IDI2: variants seen among roughly 807,000 people sequenced by gnomAD.
The protein encoded by IDI2 is isopentenyl-diphosphate delta isomerase 2.
A neutral mutation model predicts 14.8 loss-of-function variants in IDI2; 18 were observed. That is an observed-to-expected ratio of 1.22 (90% confidence interval 0.84 to 1.80). The LOEUF (loss-of-function observed/expected upper bound fraction) is 1.80. IDI2 is among the 40% of genes most tolerant of loss of function. IDI2 has a pLI of 0.00. For missense variants in IDI2, 316 were observed against 283.2 expected (o/e 1.12, Z -0.83); for synonymous variants, 133 against 109.6 (o/e 1.21, Z -1.33).
At chr10:1,023,718 C>T (rs771162939) in intron 2 of IDI2, among the ~76,000 whole-genome samples, 13 of 151,996 alleles carry the variant, frequency 8.6e-5, no homozygotes, top group Non-Finnish European at 1.6e-4. Context: ...ATAAACATAC[C>T]GCGATAGAGA....
At chr10:1,020,726 G>A (rs1045377221) in intron 4 of IDI2, 41 bp downstream of exon 4, 1 of 1,558,920 alleles carries the variant, frequency 6.4e-7, no homozygotes, top group Admixed American at 1.9e-5. Flanking sequence ...CTGCCAACCT[G>A]GACTCCCGTG....
chr10:1,019,881 C>A, intron 4 of IDI2, 47 bp from the exon 5 acceptor site: 1 of 1,254,068 alleles, frequency 8.0e-7, no homozygotes, highest in South Asian at 1.3e-5. Flanking sequence ...ATGTAAAACA[C>A]AGAATTTACA....
At chr10:1,025,402 C>T (rs2132189721) in intron 1 of IDI2, among the ~76,000 whole-genome samples, 1 of 152,008 alleles carries the variant, frequency 6.6e-6, no homozygotes, top group Non-Finnish European at 1.5e-5. Context: ...TTAGCCAGGC[C>T]TGGTGGCACA....
chr10:1,024,716 T>C lies in IDI2; in HGVS notation c.8A>G (p.Asp3Gly). 6.2e-7 allele frequency: 1 copy of C among 1,614,144 alleles called. No individual in the cohort carries two copies. The highest frequency in any genetic ancestry group is 8.5e-7 in the Non-Finnish European group (1 of 1,180,010). The stretch of plus-strand genomic sequence containing the variant: ...CCTGTCAACCCAGTCAAGATTTATG[T>C]CAGACATAGCTGCTGGCTGTGACCC... Reference protein sequence around the residue: MSDINLDWVDRRQ... With the variant: MSGINLDWVDRRQ... The change falls in exon 2 of 5, where the codon GAC becomes GGC. Residue 3 changes from aspartate to glycine, a missense_variant. Transcript: ENST00000277517.
chr10:1,022,130 G>A (rs1589037020), intron 3 of IDI2, among the ~76,000 whole-genome samples: 3 of 152,158 alleles, frequency 2.0e-5, no homozygotes, highest in African/African-American at 7.2e-5. Flanking sequence ...GTGGTGGCGG[G>A]CGCCTGTAGT....
intron 2 of IDI2, among the ~76,000 whole-genome samples, chr10:1,023,705 A>C (rs1832160703): frequency 6.6e-6 from 1 of 152,216 alleles, no homozygotes; most frequent in Admixed American, 6.5e-5. Flanking sequence ...GTGGTTAATA[A>C]GTATAAACAT....
intron 2 of IDI2, 79 bp from the exon 3 acceptor site, chr10:1,022,854 T>C (rs1452553009): frequency 2.7e-6 from 3 of 1,130,960 alleles, no homozygotes; most frequent in Non-Finnish European, 1.3e-6. Context: ...GTCCTCAGTC[T>C]GTTTCTCGTA....
At position 1,024,837 on chromosome 10, in the gene IDI2, C is replaced by T. The variant is rs1731657422; in HGVS notation, c.-21-93G>A. The T allele has an allele frequency of 6.8e-6, 8 of 1,176,634 alleles. No homozygotes were observed. The South Asian group carries it at 6.9e-5, about 10-fold the overall frequency. The allele number at this position is 1,176,634 out of a possible 1,614,324, so 72.9% of individuals were successfully genotyped here. On this transcript the variant is annotated intron_variant, in intron 1 of 4. Coordinates refer to ENST00000277517, the MANE Select transcript of IDI2 (RefSeq NM_033261.3). ...ACCAACCACATTAGGATTTAGCATA[C>T]ACCTTCTCTACAAGTGACAGCAATT... is the stretch of plus-strand genomic sequence containing the variant.
At position 1,022,721 on chromosome 10, in the gene IDI2, AGGATTC is replaced by A; in HGVS notation, c.191_196del (p.Arg64_Ile65del). ...TTTCGTGTCCGACCTCTGCTGTATCAGGATTCGATTCTTGGTGTTAAACAAGACAAC... is the reference window on the plus strand; with the variant it reads ...TTTCGTGTCCGACCTCTGCTGTATCAGATTCTTGGTGTTAAACAAGACAAC... On this transcript the variant is annotated inframe_deletion, in exon 3 of 5. Coordinates refer to ENST00000277517, the MANE Select transcript of IDI2 (RefSeq NM_033261.3). The A allele has an allele frequency of 6.2e-7, 1 of 1,614,146 alleles. No individual in the cohort carries two copies. The highest frequency in any genetic ancestry group is 1.3e-5 in the African/African-American group (1 of 75,058).
Position 1,019,622 on chromosome 10 carries a change from G to A in IDI2, c.579C>T (p.Val193=). 3 of 1,614,014 alleles carry A rather than the reference G, an allele frequency of 1.9e-6. No individual in the cohort carries two copies. The highest frequency in any genetic ancestry group is 2.5e-6 in the Non-Finnish European group (3 of 1,179,998). The change falls in exon 5 of 5, where the codon GTC becomes GTT. Residue 193 remains valine, a synonymous_variant. Transcript: ENST00000277517. Reference sequence around the variant, plus strand: ...CGGCAATGGTTCTTAGCCAGGGGGTGACTTTGACTTCACCCCTCGCCTCCC... The same window carrying A: ...CGGCAATGGTTCTTAGCCAGGGGGTAACTTTGACTTCACCCCTCGCCTCCC... ...LEREARGEVK[V]TPWLRTIAER... is the part of the protein sequence containing the mutation.
At chr10:1,025,161 G>T (rs1832193729) in intron 1 of IDI2, among the ~76,000 whole-genome samples, 1 of 152,184 alleles carries the variant, frequency 6.6e-6, no homozygotes, top group South Asian at 2.1e-4. Context: ...GAAACACACA[G>T]CCTTGTAGGA....
chr10:1,020,617 T>C (rs1832075051), intron 4 of IDI2, 150 bp downstream of exon 4: 1 of 741,668 alleles, frequency 1.3e-6, no homozygotes, highest in South Asian at 2.2e-5. Flanking sequence ...CATTCACAGC[T>C]CATTCACAGC....
chr10:1,019,713 G>A lies in IDI2; in HGVS notation c.488C>T (p.Pro163Leu), dbSNP rs752907841. The change falls in exon 5 of 5, where the codon CCG becomes CTG. Residue 163 changes from proline to leucine, a missense_variant. Transcript: ENST00000277517. ...GATGCTTTTCGTTTCACTGGGATCC[G>A]GGTTCAGAGTGACGTTTTTCCTCAC... is the stretch of plus-strand genomic sequence containing the variant. ...LLVRKNVTLN[P>L]DPSETKSILY... 8 of 1,613,794 alleles carry A rather than the reference G, an allele frequency of 5.0e-6. No homozygotes were observed. Among genetic ancestry groups the A allele is most frequent in the South Asian group, 3.3e-5 (3 of 91,078 alleles).
intron 2 of IDI2, among the ~76,000 whole-genome samples, chr10:1,023,758 G>A (rs1329320913): frequency 3.3e-5 from 5 of 152,284 alleles, no homozygotes; most frequent in African/African-American, 1.2e-4. Context: ...CAATAGCACA[G>A]TAGGGTGACT....
chr10:1,021,343 C>T (rs1033569534), intron 3 of IDI2, among the ~76,000 whole-genome samples: 1 of 152,220 alleles, frequency 6.6e-6, no homozygotes, highest in African/African-American at 2.4e-5. Context: ...GATCAGTGAG[C>T]ATGGTTTCAC....
Position 1,022,504 on chromosome 10 carries a change from A to C in IDI2, c.235+179T>G, listed in dbSNP as rs557000668. On this transcript the variant is annotated intron_variant, in intron 3 of 4. Transcript: ENST00000277517. ...CTTACTTTTTTAAAAAAGAAAACCC[A>C]GCCTACTGAAGAGCTATCAGCATAA... 151 of 497,430 alleles carry C rather than the reference A, an allele frequency of 3.0e-4. No homozygotes were observed. In the East Asian group the frequency reaches 4.3e-3, roughly 14 times the overall value. 30.8% of individuals were successfully genotyped at this position (497,430 alleles called of 1,614,324 possible).
intron 2 of IDI2, among the ~76,000 whole-genome samples, chr10:1,023,815 G>A (rs1388072026): frequency 6.6e-6 from 1 of 152,142 alleles, no homozygotes; most frequent in Non-Finnish European, 1.5e-5. Context: ...CTAGAACAGA[G>A]GATTTGGAAT....
intron 2 of IDI2, 65 bp from the exon 3 acceptor site, chr10:1,022,840 T>G: frequency 8.0e-7 from 1 of 1,253,534 alleles, no homozygotes. Context: ...CCTTCGTGCT[T>G]TTTGTCCTCA....
At chr10:1,025,633 C>T (rs1350925925) in intron 1 of IDI2, among the ~76,000 whole-genome samples, 183 bp downstream of exon 1, 2 of 151,994 alleles carry the variant, frequency 1.3e-5, no homozygotes, top group South Asian at 2.1e-4. Context: ...AATGCATTCA[C>T]GTCTGTCCAT....
Sources: gnomAD v4.1 joint callset for allele counts (sites outside exome capture counted in the v4.1 genomes callset) on GRCh38, gnomAD v4.1.1 for gene constraint, MANE v1.5 for transcripts, NCBI Gene and HGNC (gene_info 2026-07-23, HGNC 2026-07-21) for gene names.